GLS: variants seen among roughly 807,000 people sequenced by gnomAD.
The protein encoded by GLS is glutaminase.
In GLS, 36 loss-of-function variants were observed where a neutral mutation model predicts 86.7. The ratio of observed to expected loss-of-function variants is 0.42; its 90% CI spans 0.32 to 0.55. The LOEUF (loss-of-function observed/expected upper bound fraction) is 0.55. Among genes scored for constraint, GLS ranks in the 20% least tolerant of loss-of-function variants. GLS has a pLI of 0.17. For missense variants in GLS, 528 were observed against 833.4 expected (o/e 0.63, Z 4.51); for synonymous variants, 317 against 305.9 (o/e 1.04, Z -0.38).
At chr2:190,929,855 T>TA (rs200326430) in intron 12 of GLS, among the ~76,000 whole-genome samples, 129 of 149,498 alleles carry the variant, frequency 8.6e-4, no homozygotes, top group African/African-American at 2.6e-3. Context: ...TATATATATA[T>TA]TTTTTTTTTC....
intron 7 of GLS, among the ~76,000 whole-genome samples, chr2:190,911,859 A>C (rs1364650886): frequency 6.6e-6 from 1 of 152,118 alleles, no homozygotes; most frequent in African/African-American, 2.4e-5. Context: ...CTAGTTTAAG[A>C]ACTTTTAAAC....
At chr2:190,884,013 A>G (rs1239347732) in intron 1 of GLS, among the ~76,000 whole-genome samples, 1 of 152,232 alleles carries the variant, frequency 6.6e-6, no homozygotes, top group African/African-American at 2.4e-5. Context: ...TTAATATCAC[A>G]TAGAAAAATT....
At chr2:190,912,802 G>T (rs1419966221) in intron 7 of GLS, among the ~76,000 whole-genome samples, 2 of 152,154 alleles carry the variant, frequency 1.3e-5, no homozygotes, top group Admixed American at 6.5e-5. Flanking sequence ...CCCAAATGCA[G>T]AAGTACTATT....
At chr2:190,887,813 G>A (rs1688436849) in intron 1 of GLS, among the ~76,000 whole-genome samples, 1 of 152,160 alleles carries the variant, frequency 6.6e-6, no homozygotes, top group South Asian at 2.1e-4. Flanking sequence ...GGATAGTTAA[G>A]TAAATTGTGG....
At chr2:190,906,581 C>T (rs1006343611) in intron 6 of GLS, among the ~76,000 whole-genome samples, 4 of 152,106 alleles carry the variant, frequency 2.6e-5, no homozygotes, top group Non-Finnish European at 5.9e-5. Context: ...GATTTTGCCT[C>T]GATATTCATA....
chr2:190,882,184 G>A (rs997245264), intron 1 of GLS: 1 of 152,224 alleles, frequency 6.6e-6, no homozygotes, highest in Non-Finnish European at 1.5e-5. Context: ...CAGGTCTTCC[G>A]TGAGATGGGG....
rs527838104 is a variant in GLS at position 190,889,009 on chromosome 2, A to G, written c.387-6143A>G. Among the ~76,000 whole-genome samples the G allele has an allele frequency of 3.9e-5, 6 of 152,352 alleles. No homozygotes were observed. The East Asian group carries it at 1.2e-3, about 29-fold the overall frequency. ...GATGAATATGCTAATGTGTAAAATAAAAGTATGTAAGTTGTGAGTGAATAA... is the reference window on the plus strand; with the variant it reads ...GATGAATATGCTAATGTGTAAAATAGAAGTATGTAAGTTGTGAGTGAATAA... On this transcript the variant is annotated intron_variant, in intron 1 of 17. Coordinates refer to ENST00000320717, the MANE Select transcript of GLS (RefSeq NM_014905.5).
At chr2:190,882,999 G>T (rs1351365166) in intron 1 of GLS, among the ~76,000 whole-genome samples, 1 of 152,146 alleles carries the variant, frequency 6.6e-6, no homozygotes, top group Non-Finnish European at 1.5e-5. Context: ...AGTCACAACC[G>T]TTTAAAAGTT....
In GLS at chr2:190,881,291, G is replaced by A; in HGVS notation, c.207G>A (p.Ala69=). 9 of 1,397,424 alleles carry A rather than the reference G, an allele frequency of 6.4e-6. No homozygotes were observed. The highest frequency in any genetic ancestry group is 8.4e-6 in the Non-Finnish European group (9 of 1,070,228). 86.6% of individuals were successfully genotyped at this position (1,397,424 alleles called of 1,614,324 possible). A position where few individuals can be genotyped will look rare whatever the true frequency, so the allele number is the denominator to read the frequency against. ...GCGGCTGGCCGGCGGAGCCCCTCGCGCGGGGCCTGTCCAGCTCTCCTTCGG... is the reference window on the plus strand; with the variant it reads ...GCGGCTGGCCGGCGGAGCCCCTCGCACGGGGCCTGTCCAGCTCTCCTTCGG... ...GGGGWPAEPL[A]RGLSSSPSEI... The change falls in exon 1 of 18, where the codon GCG becomes GCA. Residue 69 remains alanine (A), a synonymous_variant. Coordinates refer to ENST00000320717, the MANE Select transcript of GLS (RefSeq NM_014905.5).
intron 17 of GLS, among the ~76,000 whole-genome samples, chr2:190,960,798 T>G (rs1471911686): frequency 6.6e-6 from 1 of 152,218 alleles, no homozygotes; most frequent in Non-Finnish European, 1.5e-5. Context: ...GCTAACACTT[T>G]GGTTATCTAA....
At chr2:190,929,089 A>C (rs1241590180) in intron 12 of GLS, among the ~76,000 whole-genome samples, 1 of 150,852 alleles carries the variant, frequency 6.6e-6, no homozygotes, top group Non-Finnish European at 1.5e-5. Flanking sequence ...GGGTTCTAGC[A>C]ATTCTCCTAT....
At chr2:190,934,343 C>G (rs1163844020) in intron 14 of GLS, 1 of 964,750 alleles carries the variant, frequency 1.0e-6, no homozygotes, top group African/African-American at 1.8e-5. Context: ...AAGAAATTCC[C>G]TTCTAGAGGT....
chr2:190,933,757 TTTA>T (rs1406726190), intron 14 of GLS: 2 of 712,652 alleles, frequency 2.8e-6, no homozygotes, highest in East Asian at 1.3e-4. Context: ...GCTTTTACAT[TTTA>T]TTATCTTAAT....
chr2:190,931,014 G>C (rs575478328), intron 13 of GLS, among the ~76,000 whole-genome samples: 1 of 152,180 alleles, frequency 6.6e-6, no homozygotes, highest in African/African-American at 2.4e-5. Context: ...TTTTTAAACT[G>C]TTACTGCTCT....
In GLS at chr2:190,923,901, T is replaced by G; in HGVS notation, c.1131-16T>G. The stretch of plus-strand genomic sequence containing the variant: ...AAGAAAGTACATAGAGCAAATGTTT[T>G]TTTTTCTTCTTCCAGGTTTCAGTCT... On this transcript the variant is annotated splice_polypyrimidine_tract_variant and intron_variant, in intron 9 of 17. Coordinates refer to ENST00000320717, the MANE Select transcript of GLS (RefSeq NM_014905.5). 6.6e-7 allele frequency: 1 copy of G among 1,516,272 alleles called. No homozygotes were observed. The allele number at this position is 1,516,272 out of a possible 1,614,324, so 93.9% of individuals were successfully genotyped here. A position where few individuals can be genotyped will look rare whatever the true frequency, so the allele number is the denominator to read the frequency against.
intron 11 of GLS, among the ~76,000 whole-genome samples, chr2:190,926,209 G>GGAATAA (rs1262200442): frequency 2.6e-5 from 4 of 152,184 alleles, no homozygotes; most frequent in Non-Finnish European, 5.9e-5. Context: ...TCCAATTAAT[G>GGAATAA]TTAAGTATAA....
At chr2:190,945,687 T>G (rs1233994527) in intron 14 of GLS, among the ~76,000 whole-genome samples, 1 of 150,866 alleles carries the variant, frequency 6.6e-6, no homozygotes, top group Non-Finnish European at 1.5e-5. Context: ...GAAAAAAAAA[T>G]TGAAAATTGT....
At chr2:190,933,280 C>A (rs1690168564) in intron 14 of GLS, 1 of 910,540 alleles carries the variant, frequency 1.1e-6, no homozygotes, top group Non-Finnish European at 1.3e-6. Context: ...AATGTGATGT[C>A]TTTAGTGGCA....
chr2:190,933,484 C>T, intron 14 of GLS: 2 of 885,012 alleles, frequency 2.3e-6, no homozygotes, highest in Non-Finnish European at 2.7e-6. Flanking sequence ...ATGACTCCTA[C>T]TTTTTTTATT....
Sources: gnomAD v4.1 joint callset for allele counts (sites outside exome capture counted in the v4.1 genomes callset) on GRCh38, gnomAD v4.1.1 for gene constraint, MANE v1.5 for transcripts, NCBI Gene and HGNC (gene_info 2026-07-23, HGNC 2026-07-21) for gene names.